Variants in CDC25A observed in about 807,000 individuals in gnomAD.
CDC25A encodes the protein cell division cycle 25A, also known as M-phase inducer phosphatase 1.
CDC25A carries 17 observed loss-of-function variants against 64.6 expected under a neutral mutation model. The observed-to-expected ratio is 0.26, with a 90% CI of 0.18 to 0.39. CDC25A has a LOEUF of 0.39. CDC25A is among the 10% of genes least tolerant of loss of function. The probability of loss-of-function intolerance (pLI) is 1.00; values close to 1 mark genes in which losing one functional copy is unlikely to be tolerated. For missense variants in CDC25A, 473 were observed against 654.8 expected (o/e 0.72, Z 3.03); for synonymous variants, 229 against 238.6 (o/e 0.96, Z 0.37).
intron 9 of CDC25A, among the ~76,000 whole-genome samples, chr3:48,171,904 C>T (rs2032283509): frequency 6.6e-6 from 1 of 152,180 alleles, no homozygotes; most frequent in Non-Finnish European, 1.5e-5. Flanking sequence ...GCCTGTAGTC[C>T]CAGATACTTT....
intron 5 of CDC25A, among the ~76,000 whole-genome samples, chr3:48,181,122 C>G (rs1031047635): frequency 6.6e-6 from 1 of 152,132 alleles, no homozygotes. Context: ...TTTCTGAAAT[C>G]TAAAGCAAAA....
chr3:48,181,352 G>A (rs1176942096), intron 5 of CDC25A, among the ~76,000 whole-genome samples: 2 of 151,152 alleles, frequency 1.3e-5, no homozygotes, highest in African/African-American at 4.9e-5. Flanking sequence ...GTTTTTTAAA[G>A]CCAGATATGA....
intron 6 of CDC25A, 54 bp downstream of exon 6, chr3:48,180,667 G>A (rs1223645144): frequency 2.5e-6 from 4 of 1,598,790 alleles, no homozygotes; most frequent in Non-Finnish European, 3.4e-6. Flanking sequence ...GAAAGAAGGT[G>A]TTTTAATCCT....
chr3:48,177,962 A>T lies in CDC25A; in HGVS notation c.576T>A (p.Ser192Arg). ...RMLSSNERDS[S>R]EPGNFIPLFT... ...AAAGAGGAATGAAATTCCCTGGTTC[A>T]CTGCTATCTCTTTCATTTGAGGAAA... The change falls in exon 7 of 15, where the codon AGT becomes AGA. Residue 192 changes from serine to arginine, a missense_variant. By Grantham distance (110) the Ser-to-Arg change is moderately radical. Transcript: ENST00000302506. The T allele has an allele frequency of 1.2e-6, 2 of 1,612,368 alleles. No individual in the cohort carries two copies. Among genetic ancestry groups the T allele is most frequent in the Non-Finnish European group, 1.7e-6 (2 of 1,179,020 alleles).
chr3:48,169,279 T>C (rs1356287501), intron 9 of CDC25A, among the ~76,000 whole-genome samples: 1 of 152,234 alleles, frequency 6.6e-6, no homozygotes, highest in Non-Finnish European at 1.5e-5. Flanking sequence ...TGCAGTATCA[T>C]CTTTCTGAAA....
chr3:48,176,531 G>GTATATATATATATATA (rs55938075), intron 8 of CDC25A, among the ~76,000 whole-genome samples: 11 of 138,122 alleles, frequency 8.0e-5, no homozygotes, highest in African/African-American at 2.7e-4. Flanking sequence ...GTGTGTGTGA[G>GTATATATATATATATA]TATATATATA....
chr3:48,188,276 A>T lies in CDC25A; in HGVS notation c.-329T>A, dbSNP rs955898299. ...CAAGAGAAGCCGGGCGAGAGCCTCG[A>T]GGCAACGGCCCAGGCTCACGCTGTC... On this transcript the variant is annotated 5_prime_UTR_variant, in exon 1 of 15. Coordinates refer to ENST00000302506, the MANE Select transcript of CDC25A (RefSeq NM_001789.3). 1 of 224,086 alleles carries T rather than the reference A, an allele frequency of 4.5e-6. No homozygotes were observed. The highest frequency in any genetic ancestry group is 2.3e-5 in the African/African-American group (1 of 43,798). 13.9% of individuals were successfully genotyped at this position (224,086 alleles called of 1,614,324 possible).
chr3:48,169,119 G>A (rs956248770), intron 9 of CDC25A, among the ~76,000 whole-genome samples: 5 of 152,344 alleles, frequency 3.3e-5, no homozygotes, highest in Admixed American at 2.6e-4. Flanking sequence ...AACTTTGGAA[G>A]ATGCTTGGTA....
chr3:48,181,462 G>A, intron 5 of CDC25A: 1 of 680,060 alleles, frequency 1.5e-6, no homozygotes, highest in Non-Finnish European at 2.6e-6. Flanking sequence ...AGTATTAAAA[G>A]CAGTAATGGC....
At position 48,184,674 on chromosome 3, in the gene CDC25A, C is replaced by T. The variant is rs1318350979; in HGVS notation, c.269G>A (p.Gly90Glu). The T allele has an allele frequency of 3.1e-6, 5 of 1,592,004 alleles. No homozygotes were observed. In the Admixed American group the frequency reaches 9.2e-5, roughly 29 times the overall value. ...ATACTTTTCTTTACTGTCCAATGGC[C>T]CAGGAGAATCTAGACAGAAACCTAT... ...TDSGFCLDSP[G>E]PLDSKENLEN... Residue 90 changes from glycine to glutamate, a missense_variant, in exon 3 of 15, where the codon GGG (glycine) becomes GAG (glutamate). Gly to Glu is a moderately conservative substitution (Grantham distance 98, BLOSUM62 -2). Coordinates refer to ENST00000302506, the MANE Select transcript of CDC25A (RefSeq NM_001789.3).
At chr3:48,162,464 G>A (rs1021782051) in intron 13 of CDC25A, among the ~76,000 whole-genome samples, 2 of 152,036 alleles carry the variant, frequency 1.3e-5, no homozygotes, top group Non-Finnish European at 2.9e-5. Context: ...TGAAACTCCC[G>A]AGCAAGTGAT....
intron 5 of CDC25A, among the ~76,000 whole-genome samples, chr3:48,182,716 C>T (rs1035146907): frequency 1.3e-5 from 2 of 152,202 alleles, no homozygotes; most frequent in African/African-American, 4.8e-5. Flanking sequence ...TATTACTACT[C>T]CTATTTTACA....
rs2031655731 is a variant in CDC25A, at chr3:48,159,419, A to G, written c.1359T>C (p.Asn453=). The G allele has an allele frequency of 2.5e-6, 4 of 1,613,974 alleles. No individual in the cohort carries two copies. The highest frequency in any genetic ancestry group is 2.2e-5 in the East Asian group (1 of 44,872). ...CAGGGTAGTGGAGTTTGGGGTATTC[A>G]TTACCCAGGCGATCTCTCTCTCTCA... ...RYVRERDRLG[N]EYPKLHYPEL... Residue 453 remains asparagine, a synonymous_variant, in exon 14 of 15, where the codon AAT becomes AAC. Coordinates refer to ENST00000302506, the MANE Select transcript of CDC25A (RefSeq NM_001789.3).
chr3:48,163,090 C>T (rs1290224022), intron 13 of CDC25A, among the ~76,000 whole-genome samples: 6 of 150,780 alleles, frequency 4.0e-5, no homozygotes, highest in South Asian at 2.1e-4. Flanking sequence ...AAGACCAGCC[C>T]GGCCAACATG....
At chr3:48,176,755 G>A (rs903733443) in intron 8 of CDC25A, among the ~76,000 whole-genome samples, 1 of 151,588 alleles carries the variant, frequency 6.6e-6, no homozygotes, top group African/African-American at 2.4e-5. Flanking sequence ...CAGATCACCT[G>A]AGGTCAGGAG....
chr3:48,167,327 T>A lies in CDC25A; in HGVS notation c.1029+519A>T, dbSNP rs376685351. On this transcript the variant is annotated intron_variant, in intron 10 of 14. Coordinates refer to ENST00000302506, the MANE Select transcript of CDC25A (RefSeq NM_001789.3). ...GAAGCTGCTATTGACACATTCCCTGTCCTAGCCTTGTATTTTACTGCAGCC... is the reference window on the plus strand; with the variant it reads ...GAAGCTGCTATTGACACATTCCCTGACCTAGCCTTGTATTTTACTGCAGCC... Among the ~76,000 whole-genome samples the A allele has an allele frequency of 1.1e-4, 17 of 152,354 alleles. No homozygotes were observed. In the East Asian group the frequency reaches 2.7e-3, roughly 24 times the overall value.
At chr3:48,179,208 T>C (rs2032573836) in intron 6 of CDC25A, among the ~76,000 whole-genome samples, 1 of 152,194 alleles carries the variant, frequency 6.6e-6, no homozygotes, top group African/African-American at 2.4e-5. Context: ...AACTTTATTA[T>C]GGGGCAGTAC....
At chr3:48,168,969 C>A (rs1428286188) in intron 9 of CDC25A, among the ~76,000 whole-genome samples, 1 of 151,890 alleles carries the variant, frequency 6.6e-6, no homozygotes, top group Non-Finnish European at 1.5e-5. Context: ...TAGCTTTATT[C>A]AATGAGAAGA....
rs759966798 is a variant in CDC25A, at chr3:48,184,695, C to A, written c.248G>T (p.Gly83Val). The change falls in exon 3 of 15, where the codon GGT (glycine) becomes GTT (valine). Residue 83 changes from glycine (G) to valine (V), a missense_variant and splice_region_variant. Gly to Val is a moderately radical substitution (Grantham distance 109). Transcript: ENST00000302506. The stretch of plus-strand genomic sequence containing the variant: ...TGGCCCAGGAGAATCTAGACAGAAA[C>A]CTATGGGGAAAAAAAAAACCTCTCA... ...RMGSSESTDS[G>V]FCLDSPGPLD... The A allele has an allele frequency of 6.3e-7, 1 of 1,579,608 alleles. No homozygotes were observed. Among genetic ancestry groups the A allele is most frequent in the Non-Finnish European group, 8.6e-7 (1 of 1,167,252 alleles).
Sources: gnomAD v4.1 joint callset for allele counts (sites outside exome capture counted in the v4.1 genomes callset) on GRCh38, gnomAD v4.1.1 for gene constraint, MANE v1.5 for transcripts, NCBI Gene and HGNC (gene_info 2026-07-23, HGNC 2026-07-21) for gene names.